Variants in ZNF44 observed in about 807,000 individuals in gnomAD.
ZNF44 encodes the protein zinc finger protein 44, also known as gonadotropin inducible transcription repressor-2.
Under a neutral mutation model 11.7 loss-of-function variants are expected in ZNF44, and 9 were observed. The observed-to-expected ratio is 0.77, with a 90% CI of 0.46 to 1.35. The LOEUF is 1.35. ZNF44 is among the 40% of genes most tolerant of loss of function. The probability of loss-of-function intolerance (pLI) is 0.00; values close to 1 mark genes in which losing one functional copy is unlikely to be tolerated. For synonymous variants in ZNF44, 224 were observed against 242.7 expected (o/e 0.92, Z 0.72); for missense variants, 696 against 743.1 (o/e 0.94, Z 0.74).
chr19:12,285,943 C>T (rs999097100), intron 1 of ZNF44, among the ~76,000 whole-genome samples: 5 of 149,868 alleles, frequency 3.3e-5, no homozygotes, highest in Non-Finnish European at 5.9e-5. Flanking sequence ...GGCGTGAACC[C>T]GGGGGTCAGA....
At chr19:12,230,668 C>T (rs914713043) in intron 2 of ZNF44, among the ~76,000 whole-genome samples, 4 of 152,136 alleles carry the variant, frequency 2.6e-5, no homozygotes, top group Non-Finnish European at 5.9e-5. Flanking sequence ...AGAGCCTCTG[C>T]CCCCAGCACC....
intron 3 of ZNF44, 30 bp downstream of exon 3, chr19:12,274,943 C>T (rs759588403): frequency 4.1e-5 from 62 of 1,527,750 alleles, no homozygotes; most frequent in Non-Finnish European, 5.4e-5. Flanking sequence ...ACTGCAAGGA[C>T]ATCACCTGTC....
downstream of ZNF44, among the ~76,000 whole-genome samples, chr19:12,246,300 A>G (rs957845547): frequency 6.6e-6 from 1 of 152,232 alleles, no homozygotes; most frequent in Non-Finnish European, 1.5e-5. Context: ...TCTATCATCC[A>G]TATCTTGGCC....
intron 5 of ZNF44, among the ~76,000 whole-genome samples, chr19:12,265,549 AG>A (rs1293686538): frequency 6.6e-6 from 1 of 152,184 alleles, no homozygotes; most frequent in Admixed American, 6.5e-5. Flanking sequence ...GACGTTTTCA[AG>A]GTGATAAAGC....
chr19:12,291,342 G>A (rs1967998448), intron 1 of ZNF44: 1 of 422,026 alleles, frequency 2.4e-6, no homozygotes, highest in Non-Finnish European at 4.7e-6. Context: ...TCATTTTTCT[G>A]CAGCCAAAAT....
intron 1 of ZNF44, among the ~76,000 whole-genome samples, chr19:12,283,432 C>T (rs2145751210): frequency 6.6e-6 from 1 of 152,178 alleles, no homozygotes; most frequent in East Asian, 1.9e-4. Flanking sequence ...GAGTTCATGC[C>T]ATTCTCCTGC....
downstream of ZNF44, among the ~76,000 whole-genome samples, chr19:12,269,029 C>T (rs1165693899): frequency 6.6e-6 from 1 of 151,746 alleles, no homozygotes; most frequent in African/African-American, 2.4e-5. Flanking sequence ...CAGGCTTGAG[C>T]CACCATGCCT....
At position 12,272,384 on chromosome 19, in the gene ZNF44, A is replaced by C; in HGVS notation, c.*23T>G. On this transcript the variant is annotated 3_prime_UTR_variant, in exon 4 of 4. Coordinates refer to ENST00000355684, the MANE Select transcript of ZNF44 (RefSeq NM_016264.4). ...TATCTGAATGTGATAAAACCAATGA[A>C]TGCTTTCCCACATTCCATACACTTA... 1.3e-6 allele frequency: 2 copies of C among 1,501,370 alleles called. No homozygotes were observed. The highest frequency in any genetic ancestry group is 1.8e-6 in the Non-Finnish European group (2 of 1,127,464). 93.0% of individuals were successfully genotyped at this position (1,501,370 alleles called of 1,614,324 possible).
At chr19:12,233,640 T>C (rs1373326999) in intron 2 of ZNF44, among the ~76,000 whole-genome samples, 3 of 150,570 alleles carry the variant, frequency 2.0e-5, no homozygotes, top group Non-Finnish European at 4.4e-5. Context: ...AAAGTGTACA[T>C]TATAAATATG....
At chr19:12,258,549 G>A (rs2145702061) in intron 5 of ZNF44, among the ~76,000 whole-genome samples, 1 of 152,172 alleles carries the variant, frequency 6.6e-6, no homozygotes, top group East Asian at 1.9e-4. Context: ...TGAATTTATG[G>A]CCAGGTGCAG....
intron 1 of ZNF44, among the ~76,000 whole-genome samples, chr19:12,294,261 C>T (rs190027666): frequency 2.8e-4 from 43 of 152,300 alleles, no homozygotes; most frequent in Non-Finnish European, 5.4e-4. Context: ...TCCCAACCAC[C>T]CCCGTCCAGA....
chr19:12,241,127 T>C (rs1400989221), upstream of ZNF44, among the ~76,000 whole-genome samples: 1 of 152,114 alleles, frequency 6.6e-6, no homozygotes, highest in Non-Finnish European at 1.5e-5. Context: ...GATATATAAA[T>C]GGCCAACAAC....
At chr19:12,233,041 A>T (rs1046092202) in intron 2 of ZNF44, among the ~76,000 whole-genome samples, 3 of 152,216 alleles carry the variant, frequency 2.0e-5, no homozygotes, top group Non-Finnish European at 4.4e-5. Context: ...TCCAAAGGGC[A>T]TCAGCCTAAT....
At chr19:12,252,165 C>T (rs1303471859) in intron 5 of ZNF44, among the ~76,000 whole-genome samples, 1 of 152,052 alleles carries the variant, frequency 6.6e-6, no homozygotes, top group Non-Finnish European at 1.5e-5. Context: ...GCAGAGGTTT[C>T]CTCCAAAAGA....
chr19:12,275,915 T>C, intron 2 of ZNF44, 41 bp downstream of exon 2: 1 of 1,548,318 alleles, frequency 6.5e-7, no homozygotes, highest in Non-Finnish European at 8.8e-7. Flanking sequence ...ACAAAACAAA[T>C]GTCTCTAATT....
At chr19:12,241,328 A>G (rs972434888), upstream of ZNF44, among the ~76,000 whole-genome samples, 19 of 152,324 alleles carry the variant, frequency 1.2e-4, no homozygotes, top group African/African-American at 4.3e-4. Flanking sequence ...CCACTGTGAA[A>G]AACAGTATGG....
intron 7 of ZNF44, among the ~76,000 whole-genome samples, chr19:12,249,463 G>A (rs533749484): frequency 3.8e-4 from 54 of 140,674 alleles, no homozygotes; most frequent in African/African-American, 1.4e-3. Context: ...CCGAGATCAC[G>A]CCACTGCACT....
chr19:12,255,786 T>C (rs991424827), intron 5 of ZNF44, among the ~76,000 whole-genome samples: 2 of 152,082 alleles, frequency 1.3e-5, no homozygotes, highest in African/African-American at 4.8e-5. Flanking sequence ...ATTCCTGTAA[T>C]GCCAGCACTT....
intron 5 of ZNF44, among the ~76,000 whole-genome samples, chr19:12,251,443 G>A (rs748538802): frequency 2.6e-5 from 4 of 151,880 alleles, no homozygotes; most frequent in Non-Finnish European, 5.9e-5. Context: ...GCAGTGAGCT[G>A]AGATAGCACC....
Sources: allele counts gnomAD v4.1 joint callset (sites outside exome capture counted in the v4.1 genomes callset), GRCh38; gene constraint gnomAD v4.1.1; transcripts MANE v1.5; gene names NCBI Gene and HGNC (gene_info 2026-07-23, HGNC 2026-07-21).